UBE2E2: variants seen among roughly 807,000 people sequenced by gnomAD.
The protein encoded by UBE2E2 is ubiquitin conjugating enzyme E2 E2.
In UBE2E2, 6 loss-of-function variants were observed where a neutral mutation model predicts 24.7. That is an observed-to-expected ratio of 0.24 (90% CI 0.13 to 0.48). The LOEUF (loss-of-function observed/expected upper bound fraction) is 0.48, where lower values mean the gene tolerates loss of function less well. Ranked by LOEUF, UBE2E2 falls within the 20% of genes least tolerant of loss-of-function variation. UBE2E2 has a pLI of 0.99. For missense variants in UBE2E2, 169 were observed against 245.0 expected, an observed-to-expected ratio of 0.69 and a Z score of 2.07; for synonymous variants, 104 against 83.6, an observed-to-expected ratio of 1.24 and a Z score of -1.33.
At chr3:23,447,094 A>G (rs3111309) in intron 3 of UBE2E2, among the ~76,000 whole-genome samples, 94,397 of 151,430 alleles carry the variant, frequency 0.62, 30,178 homozygotes, top group African/African-American at 0.76. Context: ...ATATGTTACT[A>G]AATGATGTGC....
intron 3 of UBE2E2, among the ~76,000 whole-genome samples, chr3:23,296,152 C>G (rs1322776590): frequency 1.3e-5 from 2 of 152,120 alleles, no homozygotes; most frequent in Admixed American, 1.3e-4. Context: ...GAATTGGAGA[C>G]AGTTCTGTTT....
chr3:23,266,704 G>A (rs1460555162), intron 3 of UBE2E2, among the ~76,000 whole-genome samples: 1 of 152,026 alleles, frequency 6.6e-6, no homozygotes, highest in Admixed American at 6.6e-5. Context: ...CCAAGCAGAC[G>A]TAATAGACAT....
chr3:23,261,644 G>A (rs1292787822), intron 3 of UBE2E2, among the ~76,000 whole-genome samples: 3 of 151,902 alleles, frequency 2.0e-5, no homozygotes, highest in Non-Finnish European at 4.4e-5. Context: ...CTTTAGCTCT[G>A]GTAACCACCA....
At chr3:23,320,937 C>T (rs978783769) in intron 3 of UBE2E2, among the ~76,000 whole-genome samples, 1 of 152,178 alleles carries the variant, frequency 6.6e-6, no homozygotes, top group Non-Finnish European at 1.5e-5. Context: ...GAAGTTAGTG[C>T]CTCACAGTTC....
intron 3 of UBE2E2, among the ~76,000 whole-genome samples, chr3:23,224,270 T>C (rs1454018221): frequency 6.6e-6 from 1 of 151,492 alleles, no homozygotes; most frequent in East Asian, 1.9e-4. Flanking sequence ...TTTAAAAATA[T>C]TGTTATAGTT....
At chr3:23,313,634 C>T (rs1480075037) in intron 3 of UBE2E2, among the ~76,000 whole-genome samples, 1 of 152,050 alleles carries the variant, frequency 6.6e-6, no homozygotes, top group African/African-American at 2.4e-5. Flanking sequence ...CCACCCACCT[C>T]GGCCTCCCAA....
At chr3:23,479,916 A>T (rs1181062363) in intron 3 of UBE2E2, among the ~76,000 whole-genome samples, 1 of 152,086 alleles carries the variant, frequency 6.6e-6, no homozygotes, top group African/African-American at 2.4e-5. Flanking sequence ...GGGCCTGGAG[A>T]AAGCACCATC....
At chr3:23,309,264 C>T (rs971012127) in intron 3 of UBE2E2, among the ~76,000 whole-genome samples, 10 of 152,168 alleles carry the variant, frequency 6.6e-5, no homozygotes, top group African/African-American at 2.4e-4. Context: ...CACCCAGAAA[C>T]AATACTTCAG....
At chr3:23,494,192 A>C (rs550770212) in intron 3 of UBE2E2, among the ~76,000 whole-genome samples, 7 of 152,308 alleles carry the variant, frequency 4.6e-5, no homozygotes. Flanking sequence ...TAAAAGATTA[A>C]AAGATTTCTT....
chr3:23,294,034 G>A (rs1698840098), intron 3 of UBE2E2, among the ~76,000 whole-genome samples: 1 of 152,134 alleles, frequency 6.6e-6, no homozygotes, highest in Admixed American at 6.5e-5. Context: ...TAGGCAATGA[G>A]GATGCTCCTA....
chr3:23,310,299 C>CATTTT, intron 3 of UBE2E2, among the ~76,000 whole-genome samples: 1 of 39,240 alleles, frequency 2.5e-5, no homozygotes, highest in African/African-American at 1.4e-4. Context: ...AAAAGGCATG[C>CATTTT]CTTTTTTTTT....
At chr3:23,358,847 A>G (rs1696036906) in intron 3 of UBE2E2, among the ~76,000 whole-genome samples, 1 of 152,210 alleles carries the variant, frequency 6.6e-6, no homozygotes, top group African/African-American at 2.4e-5. Context: ...AGGCATTGTT[A>G]CCTATTTATT....
intron 5 of UBE2E2, among the ~76,000 whole-genome samples, chr3:23,537,029 C>T (rs1695281602): frequency 6.6e-6 from 1 of 152,180 alleles, no homozygotes; most frequent in South Asian, 2.1e-4. Context: ...GCATACAGTA[C>T]TTCATTTTGC....
At chr3:23,576,038 T>A (rs915343439) in intron 5 of UBE2E2, among the ~76,000 whole-genome samples, 9 of 152,000 alleles carry the variant, frequency 5.9e-5, no homozygotes, top group African/African-American at 2.2e-4. Context: ...AGGATGAGGG[T>A]CAAACCATTA....
chr3:23,231,286 A>G (rs1696967698), intron 3 of UBE2E2, among the ~76,000 whole-genome samples: 1 of 152,170 alleles, frequency 6.6e-6, no homozygotes, highest in Non-Finnish European at 1.5e-5. Flanking sequence ...AGCAGCTTGT[A>G]TACTTGCTAT....
intron 3 of UBE2E2, among the ~76,000 whole-genome samples, chr3:23,417,010 C>T (rs531822590): frequency 1.4e-4 from 22 of 152,102 alleles, no homozygotes; most frequent in Admixed American, 2.6e-4. Flanking sequence ...TCCTTTAGCT[C>T]GGAGGAATTT....
intron 3 of UBE2E2, among the ~76,000 whole-genome samples, chr3:23,413,218 T>A (rs80207392): frequency 7.1e-6 from 1 of 141,562 alleles, no homozygotes; most frequent in African/African-American, 2.7e-5. Flanking sequence ...TAAAAAAAAA[T>A]CTGAGAAAAA....
intron 3 of UBE2E2, among the ~76,000 whole-genome samples, chr3:23,386,070 T>G (rs999189477): frequency 6.6e-6 from 1 of 151,970 alleles, no homozygotes; most frequent in Non-Finnish European, 1.5e-5. Context: ...CTCAGGCTAT[T>G]TATCTCTTTA....
At chr3:23,490,340 G>A (rs1285405773) in intron 3 of UBE2E2, among the ~76,000 whole-genome samples, 2 of 152,204 alleles carry the variant, frequency 1.3e-5, no homozygotes, top group Non-Finnish European at 2.9e-5. Flanking sequence ...GTAAGACTTA[G>A]TTCTTGTTGA....
Sources: gnomAD v4.1 joint callset for allele counts (sites outside exome capture counted in the v4.1 genomes callset) on GRCh38, gnomAD v4.1.1 for gene constraint, MANE v1.5 for transcripts, NCBI Gene and HGNC (gene_info 2026-07-23, HGNC 2026-07-21) for gene names.